Variants in PDSS1 observed in about 807,000 individuals in gnomAD.
The protein encoded by PDSS1 is all trans-polyprenyl-diphosphate synthase PDSS1.
Under a neutral mutation model 57.5 loss-of-function variants are expected in PDSS1, and 43 were observed. The ratio of observed to expected loss-of-function variants is 0.75; its 90% confidence interval spans 0.59 to 0.96. The LOEUF (loss-of-function observed/expected upper bound fraction) is 0.96, where lower values mean the gene tolerates loss of function less well. PDSS1 is among the 50% of genes least tolerant of loss of function. The probability of loss-of-function intolerance (pLI) is 0.00; values close to 1 mark genes in which losing one functional copy is unlikely to be tolerated. For missense variants in PDSS1, 438 were observed against 527.8 expected (o/e 0.83, Z 1.67); for synonymous variants, 175 against 191.3 (o/e 0.91, Z 0.70).
chr10:26,720,441 A>G, intron 6 of PDSS1, 82 bp downstream of exon 6: 1 of 939,048 alleles, frequency 1.1e-6, no homozygotes, highest in Non-Finnish European at 1.8e-6. Flanking sequence ...GATTTGTCTC[A>G]TTAAAAATAT....
intron 8 of PDSS1, among the ~76,000 whole-genome samples, chr10:26,731,284 T>C (rs1014540094): frequency 6.6e-6 from 1 of 152,154 alleles, no homozygotes; most frequent in Non-Finnish European, 1.5e-5. Flanking sequence ...GAGGTTGTAG[T>C]GAGCCAAGAT....
intron 1 of PDSS1, among the ~76,000 whole-genome samples, chr10:26,699,272 C>T (rs1205061736): frequency 6.6e-6 from 1 of 152,140 alleles, no homozygotes; most frequent in East Asian, 1.9e-4. Flanking sequence ...GTAGGCTTTG[C>T]TGTGATCCAT....
intron 8 of PDSS1, among the ~76,000 whole-genome samples, chr10:26,729,673 G>A (rs948662538): frequency 1.2e-4 from 19 of 152,004 alleles, no homozygotes; most frequent in Non-Finnish European, 2.5e-4. Context: ...TTTTGTCTTG[G>A]GCCTGAGGAT....
At chr10:26,705,961 A>G (rs574041270) in intron 4 of PDSS1, among the ~76,000 whole-genome samples, 15 of 152,328 alleles carry the variant, frequency 9.8e-5, no homozygotes, top group African/African-American at 2.6e-4. Flanking sequence ...TGCTTGTCCA[A>G]TGAGTTATCC....
At chr10:26,697,871 C>T (rs1187835984) in intron 1 of PDSS1, 31 bp downstream of exon 1, 6 of 1,270,906 alleles carry the variant, frequency 4.7e-6, no homozygotes, top group Non-Finnish European at 6.0e-6. Flanking sequence ...CCCGGCGGGG[C>T]TCAGAGGTCA....
rs1836959401 is a variant in PDSS1, at chr10:26,746,712, T to TTGA, written c.*242_*244dup. The TTGA allele has an allele frequency of 2.0e-6, 1 of 506,410 alleles. No homozygotes were observed. Among genetic ancestry groups the TTGA allele is most frequent in the Non-Finnish European group, 3.6e-6 (1 of 279,496 alleles). The allele number at this position is 506,410 out of a possible 1,614,324, so 31.4% of individuals were successfully genotyped here. On this transcript the variant is annotated 3_prime_UTR_variant, in exon 12 of 12. Transcript: ENST00000376215. ...TCCTATAAATTATAATCAAGGTATC[T>TTGA]TGATGGTTATATGTGGTATTGTTTA...
intron 4 of PDSS1, among the ~76,000 whole-genome samples, 168 bp downstream of exon 4, chr10:26,705,562 C>T (rs1201373554): frequency 6.6e-6 from 1 of 152,180 alleles, no homozygotes; most frequent in Non-Finnish European, 1.5e-5. Flanking sequence ...CAACCCTTGC[C>T]TCCCAGGTTC....
In PDSS1 at chr10:26,735,400, A is replaced by C. The variant is rs1035197738; in HGVS notation, c.913-66A>C. On this transcript the variant is annotated intron_variant, in intron 9 of 11. Coordinates refer to ENST00000376215, the MANE Select transcript of PDSS1 (RefSeq NM_014317.5). ...TCCCCTAGTGTGTAATCGTCAAAATAGTAAGAACGATGGCAGCAGTGTTGG... is the reference window on the plus strand; with the variant it reads ...TCCCCTAGTGTGTAATCGTCAAAATCGTAAGAACGATGGCAGCAGTGTTGG... 13 of 1,386,816 alleles carry C rather than the reference A, an allele frequency of 9.4e-6. No homozygotes were observed. The African/African-American group carries it at 1.7e-4, about 18-fold the overall frequency. 85.9% of individuals were successfully genotyped at this position (1,386,816 alleles called of 1,614,324 possible). A position where few individuals can be genotyped will look rare whatever the true frequency, so the allele number is the denominator to read the frequency against.
At chr10:26,707,304 T>C (rs1835265898) in intron 4 of PDSS1, among the ~76,000 whole-genome samples, 1 of 152,184 alleles carries the variant, frequency 6.6e-6, no homozygotes, top group Admixed American at 6.5e-5. Flanking sequence ...CGAGATCTTA[T>C]TGGGAAGCTG....
At chr10:26,726,827 C>A (rs765336837) in intron 8 of PDSS1, among the ~76,000 whole-genome samples, 3 of 152,072 alleles carry the variant, frequency 2.0e-5, no homozygotes, top group Admixed American at 2.0e-4. Context: ...TTTAGGAGGC[C>A]GAGGCGAGTG....
chr10:26,709,888 C>T (rs559674376), intron 5 of PDSS1, 120 bp downstream of exon 5: 4 of 1,080,640 alleles, frequency 3.7e-6, no homozygotes, highest in Non-Finnish European at 1.4e-6. Context: ...CATGGTGGCT[C>T]ATGCCTATAA....
At chr10:26,708,381 T>G (rs190415148) in intron 4 of PDSS1, among the ~76,000 whole-genome samples, 69 of 152,320 alleles carry the variant, frequency 4.5e-4, no homozygotes, top group African/African-American at 1.6e-3. Context: ...GAACCCTGTT[T>G]AGGCTTCTAA....
intron 8 of PDSS1, among the ~76,000 whole-genome samples, chr10:26,733,918 G>A (rs576833258): frequency 6.6e-6 from 1 of 152,254 alleles, no homozygotes; most frequent in South Asian, 2.1e-4. Context: ...AGGTTACAGT[G>A]AGCTATGATC....
At chr10:26,725,139 C>T (rs550020979) in intron 8 of PDSS1, among the ~76,000 whole-genome samples, 6 of 152,226 alleles carry the variant, frequency 3.9e-5, no homozygotes, top group African/African-American at 1.4e-4. Context: ...ATCTCTAAGC[C>T]TGACAGATAC....
intron 10 of PDSS1, among the ~76,000 whole-genome samples, chr10:26,739,157 T>C (rs1329802747): frequency 6.6e-6 from 1 of 152,224 alleles, no homozygotes; most frequent in Non-Finnish European, 1.5e-5. Context: ...ACAGGCCTTA[T>C]GCTATCGTGG....
At position 26,723,858 on chromosome 10, in the gene PDSS1, G is replaced by A. The variant is rs539771162; in HGVS notation, c.662G>A (p.Arg221Gln). Residue 221 changes from arginine to glutamine, a missense_variant, in exon 7 of 12, where the codon CGA becomes CAA. Physicochemically the swap from Arg to Gln is conservative, Grantham distance 43 (BLOSUM62 1). This residue lies in a region of PDSS1 where 284 missense variants were observed against 390.7 expected (regional missense o/e 0.73). Transcript: ENST00000376215. ...ILSAASIALA[R>Q]IGNTTVISIL... ...TCTGCAGCATCTATAGCTCTGGCACGAATTGGAAATACAACTGTTATATCT... is the reference window on the plus strand; with the variant it reads ...TCTGCAGCATCTATAGCTCTGGCACAAATTGGAAATACAACTGTTATATCT... The A allele has an allele frequency of 1.3e-5, 21 of 1,613,656 alleles. No homozygotes were observed. The highest frequency in any genetic ancestry group is 8.0e-5 in the African/African-American group (6 of 75,018).
At position 26,705,302 on chromosome 10, in the gene PDSS1, C is replaced by A. The variant is rs1333892277; in HGVS notation, c.244C>A (p.Pro82Thr). ...ATGTCCCAGGTTTCATCACACAACCCCAGACAGTAAAACACACAGTGGTGA... is the reference window on the plus strand; with the variant it reads ...ATGTCCCAGGTTTCATCACACAACCACAGACAGTAAAACACACAGTGGTGA... ...CRISRFHHTTPDSKTHSGEKY... is the reference protein window; with the variant it reads ...CRISRFHHTTTDSKTHSGEKY... Residue 82 changes from proline to threonine, a missense_variant, in exon 4 of 12, where the codon CCA (proline) becomes ACA (threonine). By Grantham distance (38) the Pro-to-Thr change is conservative. Coordinates refer to ENST00000376215, the MANE Select transcript of PDSS1 (RefSeq NM_014317.5). 1.2e-6 allele frequency: 2 copies of A among 1,610,162 alleles called. No homozygotes were observed. Among genetic ancestry groups the A allele is most frequent in the Admixed American group, 3.3e-5 (2 of 59,992 alleles).
At position 26,711,918 on chromosome 10, in the gene PDSS1, C is replaced by T. The variant is rs1489511257; in HGVS notation, c.467+2150C>T. ...ACAGTTCATTGCTCTCAGAAATAAA[C>T]ATGGGAAGGAAATTTTTTTTTTTAC... On this transcript the variant is annotated intron_variant, in intron 5 of 11. Transcript: ENST00000376215. 5.2e-5 allele frequency among the ~76,000 whole-genome samples: 5 copies of T among 96,536 alleles called. 2 individuals are homozygous for T. The highest frequency in any genetic ancestry group is 1.7e-4 in the African/African-American group (5 of 29,766). The allele number at this position is 96,536 out of a possible 152,430, so 63.3% of individuals were successfully genotyped here.
chr10:26,715,149 G>A lies in PDSS1; in HGVS notation c.468-5069G>A, dbSNP rs1375348392. The A allele has an allele frequency of 3.9e-5, 6 of 152,354 alleles. No homozygotes were observed. In the South Asian group the frequency reaches 1.2e-3, roughly 32 times the overall value. 9.4% of individuals were successfully genotyped at this position (152,354 alleles called of 1,614,324 possible). ...AAATGGTTTTGTCTTTCACCTAGGA[G>A]ATGGTTCTGTGGATATGTCCATAGT... On this transcript the variant is annotated intron_variant, in intron 5 of 11. Transcript: ENST00000376215.
Sources: gnomAD v4.1 joint callset for allele counts (sites outside exome capture counted in the v4.1 genomes callset) on GRCh38, gnomAD v4.1.1 for gene constraint, gnomAD v4.1.1 regional missense constraint, MANE v1.5 for transcripts, NCBI Gene and HGNC (gene_info 2026-07-23, HGNC 2026-07-21) for gene names.